P4HA1: variants seen among roughly 807,000 people sequenced by gnomAD.
P4HA1 encodes prolyl 4-hydroxylase subunit alpha 1.
In P4HA1, 24 loss-of-function variants were observed where a neutral mutation model predicts 72.8. The ratio of observed to expected loss-of-function variants is 0.33; its 90% CI spans 0.24 to 0.46. P4HA1 has a LOEUF of 0.46. P4HA1 is among the 20% of genes least tolerant of loss of function. P4HA1 has a pLI of 1.00. For missense variants in P4HA1, 446 were observed against 640.6 expected (o/e 0.70, Z 3.28); for synonymous variants, 201 against 218.8 (o/e 0.92, Z 0.72).
chr10:73,085,142 T>A (rs1013614886), intron 1 of P4HA1, among the ~76,000 whole-genome samples: 32 of 149,274 alleles, frequency 2.1e-4, no homozygotes, highest in African/African-American at 6.8e-4. Context: ...CCATCTCATT[T>A]AAAAAAAAAA....
chr10:73,069,054 G>T, intron 4 of P4HA1, 71 bp from the exon 5 acceptor site: 1 of 1,154,658 alleles, frequency 8.7e-7, no homozygotes, highest in South Asian at 1.4e-5. Context: ...GACTTAATAA[G>T]GATTGTTCAA....
intron 9 of P4HA1, among the ~76,000 whole-genome samples, chr10:73,036,596 C>T (rs927427094): frequency 1.4e-4 from 22 of 152,050 alleles, no homozygotes; most frequent in Non-Finnish European, 5.9e-5. Context: ...TGAGGTTTCA[C>T]CATGTTGCCC....
At chr10:73,079,141 T>A (rs559384431) in intron 1 of P4HA1, among the ~76,000 whole-genome samples, 79 of 152,324 alleles carry the variant, frequency 5.2e-4, no homozygotes, top group African/African-American at 1.9e-3. Context: ...CCTCTACATT[T>A]CACTTTCTCT....
intron 1 of P4HA1, among the ~76,000 whole-genome samples, chr10:73,087,271 T>TA (rs200447835): frequency 2.4e-4 from 29 of 120,914 alleles, no homozygotes; most frequent in African/African-American, 5.5e-4. Flanking sequence ...TGCCTTTATT[T>TA]TTTTTTTTTT....
At chr10:73,034,896 A>C (rs1353744495) in intron 9 of P4HA1, among the ~76,000 whole-genome samples, 1 of 152,096 alleles carries the variant, frequency 6.6e-6, no homozygotes, top group African/African-American at 2.4e-5. Context: ...AATGTTTTCA[A>C]GGTTCATCCA....
intron 5 of P4HA1, among the ~76,000 whole-genome samples, chr10:73,060,679 AG>A (rs1841292631): frequency 6.6e-6 from 1 of 152,240 alleles, no homozygotes; most frequent in African/African-American, 2.4e-5. Context: ...CCAGAAAGCA[AG>A]GAAGTTTCCT....
rs118191250 is a variant in P4HA1 at position 73,008,579 on chromosome 10, A to G, written c.1535-287T>C. Among the ~76,000 whole-genome samples the G allele has an allele frequency of 8.5e-5, 13 of 152,288 alleles. No individual in the cohort carries two copies. The South Asian group carries it at 1.5e-3, about 17-fold the overall frequency. ...CATTTCTTACAGTTTCCAATGTTCA[A>G]TGTGAGGCTTGAAATGAGACACAAA... On this transcript the variant is annotated intron_variant, in intron 14 of 14. Transcript: ENST00000394890.
chr10:73,041,246 G>T (rs953355105), intron 9 of P4HA1, among the ~76,000 whole-genome samples: 2 of 151,942 alleles, frequency 1.3e-5, no homozygotes, highest in Non-Finnish European at 2.9e-5. Context: ...CCTTAAGCAG[G>T]CTATAAAAGA....
intron 1 of P4HA1, among the ~76,000 whole-genome samples, chr10:73,090,093 CAG>C (rs1841998862): frequency 6.6e-6 from 1 of 152,034 alleles, no homozygotes; most frequent in African/African-American, 2.4e-5. Flanking sequence ...CTCGGCCCCC[CAG>C]AGTGTTGGGA....
At position 73,037,554 on chromosome 10, in the gene P4HA1, TA is replaced by T. The variant is rs1840615944; in HGVS notation, c.1149-7185del. Among the ~76,000 whole-genome samples the T allele has an allele frequency of 2.0e-3, 66 of 33,154 alleles. 2 individuals are homozygous for T. The highest frequency in any genetic ancestry group is 6.2e-3 in the African/African-American group (53 of 8,534). The allele number at this position is 33,154 out of a possible 152,430, so 21.8% of individuals were successfully genotyped here. A position where few individuals can be genotyped will look rare whatever the true frequency, so the allele number is the denominator to read the frequency against. ...ATATATATATATATATATATATATA[TA>T]TATATATATATATATATTTTTTTTT... On this transcript the variant is annotated intron_variant, in intron 9 of 14. Transcript: ENST00000394890.
intron 14 of P4HA1, among the ~76,000 whole-genome samples, chr10:73,009,176 A>G (rs1839857683): frequency 6.6e-6 from 1 of 152,208 alleles, no homozygotes; most frequent in Non-Finnish European, 1.5e-5. Context: ...AATGTCCTGT[A>G]TGTAACCACT....
At chr10:73,027,732 G>A (rs1027538500) in intron 10 of P4HA1, among the ~76,000 whole-genome samples, 3 of 144,734 alleles carry the variant, frequency 2.1e-5, no homozygotes, top group Admixed American at 6.9e-5. Context: ...GGAAAGGAGG[G>A]AAGGATGGAT....
chr10:73,032,782 GAGAGAGAGCA>G (rs1340388865), intron 9 of P4HA1, among the ~76,000 whole-genome samples: 11 of 152,232 alleles, frequency 7.2e-5, no homozygotes, highest in African/African-American at 2.7e-4. Context: ...GCAAGCGTAA[GAGAGAGAGCA>G]AGAGAGAGTG....
At chr10:73,064,635 G>A (rs561088787) in intron 5 of P4HA1, among the ~76,000 whole-genome samples, 65 of 152,266 alleles carry the variant, frequency 4.3e-4, no homozygotes, top group African/African-American at 1.5e-3. Flanking sequence ...GAGGTCAAGA[G>A]CTGAAAACCA....
intron 13 of P4HA1, 82 bp downstream of exon 13, chr10:73,010,887 T>G: frequency 1.0e-6 from 1 of 975,602 alleles, no homozygotes. Context: ...AAAATGTAAT[T>G]CATTAATTAG....
At chr10:73,085,027 G>C (rs1841897563) in intron 1 of P4HA1, among the ~76,000 whole-genome samples, 1 of 152,096 alleles carries the variant, frequency 6.6e-6, no homozygotes, top group Admixed American at 6.5e-5. Context: ...TATAGTCCCA[G>C]CAACTCAGGA....
chr10:73,083,767 G>A (rs573976896), intron 1 of P4HA1, among the ~76,000 whole-genome samples: 1 of 152,216 alleles, frequency 6.6e-6, no homozygotes, highest in East Asian at 1.9e-4. Flanking sequence ...TAAAGTTCAA[G>A]TGACAGAGTG....
chr10:73,066,710 G>A (rs1408927706), intron 5 of P4HA1, among the ~76,000 whole-genome samples: 1 of 152,080 alleles, frequency 6.6e-6, no homozygotes, highest in Non-Finnish European at 1.5e-5. Context: ...GCGGGACAAG[G>A]TGGAGATAAC....
At chr10:73,062,877 G>C (rs1173994579) in intron 5 of P4HA1, among the ~76,000 whole-genome samples, 1 of 152,172 alleles carries the variant, frequency 6.6e-6, no homozygotes, top group Admixed American at 6.5e-5. Context: ...TTGAATTCCA[G>C]TATCAAACAG....
Sources: allele counts gnomAD v4.1 joint callset (sites outside exome capture counted in the v4.1 genomes callset), GRCh38; gene constraint gnomAD v4.1.1; transcripts MANE v1.5; gene names NCBI Gene and HGNC (gene_info 2026-07-23, HGNC 2026-07-21).